RAPGEF5: variants seen among roughly 807,000 people sequenced by gnomAD.
RAPGEF5 encodes M-Ras-regulated GEF.
A neutral mutation model predicts 125.2 loss-of-function variants in RAPGEF5; 65 were observed. The ratio of observed to expected loss-of-function variants is 0.52; its 90% CI spans 0.43 to 0.64. RAPGEF5 has a LOEUF of 0.64. Among genes scored for constraint, RAPGEF5 ranks in the 30% least tolerant of loss-of-function variants. RAPGEF5 has a pLI of 0.00. For missense variants in RAPGEF5, 958 were observed against 1,048.1 expected, an observed-to-expected ratio of 0.91 and a Z score of 1.19; for synonymous variants, 391 against 385.9, an observed-to-expected ratio of 1.01 and a Z score of -0.16.
chr7:22,282,718 GC>G (rs1782702229), intron 6 of RAPGEF5, among the ~76,000 whole-genome samples: 1 of 152,114 alleles, frequency 6.6e-6, no homozygotes, highest in African/African-American at 2.4e-5. Flanking sequence ...ACAAATATTA[GC>G]CATTCTTAGC....
intron 21 of RAPGEF5, among the ~76,000 whole-genome samples, chr7:22,138,706 A>G (rs1457805555): frequency 6.6e-6 from 1 of 152,230 alleles, no homozygotes; most frequent in African/African-American, 2.4e-5. Context: ...TCATGTAGCC[A>G]TCTCCTGTCT....
chr7:22,356,527 C>T (rs1316738477), intron 1 of RAPGEF5: 11 of 160,776 alleles, frequency 6.8e-5, no homozygotes, highest in Non-Finnish European at 1.3e-4. Flanking sequence ...GCTTCCCCTC[C>T]GAGAAGAGGC....
chr7:22,246,228 C>G (rs1786471856), intron 7 of RAPGEF5, among the ~76,000 whole-genome samples: 1 of 152,044 alleles, frequency 6.6e-6, no homozygotes, highest in South Asian at 2.1e-4. Context: ...AAAAACTATT[C>G]TAAAATTCAT....
chr7:22,136,090 T>C lies in RAPGEF5; in HGVS notation c.2364A>G (p.Ala788=), dbSNP rs1185684715. 23 of 1,612,886 alleles carry C rather than the reference T, an allele frequency of 1.4e-5. No homozygotes were observed. Among genetic ancestry groups the C allele is most frequent in the Admixed American group, 8.3e-5 (5 of 59,886 alleles). Residue 788 remains alanine, a synonymous_variant, in exon 23 of 26, where the codon GCA becomes GCG. Transcript: ENST00000665637. ...TTTTTGGTGGCTTCATCTTTTTGAA[T>C]GCATCTCTGTAGGCTTTGTGATTTA... ...PSLNHKAYRD[A]FKKMKPPKIP... is the part of the protein sequence containing the mutation.
chr7:22,296,948 C>G (rs1330416050), intron 5 of RAPGEF5, among the ~76,000 whole-genome samples: 2 of 152,170 alleles, frequency 1.3e-5, no homozygotes, highest in Admixed American at 1.3e-4. Context: ...AGCATTTTGG[C>G]ATTTGGCAAC....
At chr7:22,171,692 G>T (rs1395094234) in intron 11 of RAPGEF5, among the ~76,000 whole-genome samples, 1 of 152,142 alleles carries the variant, frequency 6.6e-6, no homozygotes, top group African/African-American at 2.4e-5. Flanking sequence ...AGAGATGGGG[G>T]TTTCACCATG....
intron 5 of RAPGEF5, among the ~76,000 whole-genome samples, chr7:22,305,710 A>C (rs1170519831): frequency 6.6e-6 from 1 of 152,070 alleles, no homozygotes; most frequent in Non-Finnish European, 1.5e-5. Context: ...ACTAGTCCCC[A>C]ATTACCCTTC....
chr7:22,260,913 G>A (rs975906637), intron 7 of RAPGEF5, among the ~76,000 whole-genome samples: 7 of 152,168 alleles, frequency 4.6e-5, no homozygotes, highest in African/African-American at 1.4e-4. Flanking sequence ...GGAACACAGA[G>A]ACCAGAAATA....
At chr7:22,318,431 C>T (rs918821601) in intron 1 of RAPGEF5, among the ~76,000 whole-genome samples, 1 of 152,146 alleles carries the variant, frequency 6.6e-6, no homozygotes, top group Non-Finnish European at 1.5e-5. Flanking sequence ...GATTTTCCTG[C>T]TCTCTAGGTC....
Position 22,123,336 on chromosome 7 carries a change from A to AAC in RAPGEF5, c.2537-817_2537-816dup, listed in dbSNP as rs140529768. Among the ~76,000 whole-genome samples the AAC allele has an allele frequency of 1.2e-3, 180 of 151,934 alleles. 2 individuals are homozygous for AAC. Among genetic ancestry groups the AAC allele is most frequent in the African/African-American group, 3.7e-3 (155 of 41,484 alleles). On this transcript the variant is annotated intron_variant, in intron 25 of 25. Coordinates refer to ENST00000665637, the MANE Select transcript of RAPGEF5 (RefSeq NM_012294.5). ...GAGGCAAGCCCGTGCACCACAGTCA[A>AAC]ACACACACACACACAAGCAAACCAT...
At position 22,119,936 on chromosome 7, in the gene RAPGEF5, A is replaced by G. The variant is rs1298336575; in HGVS notation, c.*2470T>C. The stretch of plus-strand genomic sequence containing the variant: ...TGAACAGCTCAGATTCCTTAGAAAG[A>G]GCTTTCTGTTGAGTAATATCTGGTT... On this transcript the variant is annotated 3_prime_UTR_variant, in exon 26 of 26. Transcript: ENST00000665637. This position sits in a 1 kb window ranked among gnomAD's most constrained non-coding sequence, Gnocchi z 4.1. 2 of 152,184 alleles carry G rather than the reference A, an allele frequency of 1.3e-5. No individual in the cohort carries two copies. The highest frequency in any genetic ancestry group is 6.5e-5 in the Admixed American group (1 of 15,282). The allele number at this position is 152,184 out of a possible 1,614,324, so 9.4% of individuals were successfully genotyped here.
intron 7 of RAPGEF5, among the ~76,000 whole-genome samples, chr7:22,233,444 A>G (rs1034900698): frequency 3.3e-5 from 5 of 152,238 alleles, no homozygotes; most frequent in Admixed American, 1.3e-4. Flanking sequence ...TAAAACAACA[A>G]TGCTGTAGGG....
At chr7:22,260,469 AAG>A (rs1782123386) in intron 7 of RAPGEF5, among the ~76,000 whole-genome samples, 1 of 152,026 alleles carries the variant, frequency 6.6e-6, no homozygotes, top group Non-Finnish European at 1.5e-5. Flanking sequence ...ATCAAAAAAA[AAG>A]AGAAATTTCA....
At chr7:22,180,890 C>T (rs920721164) in intron 11 of RAPGEF5, among the ~76,000 whole-genome samples, 1 of 152,172 alleles carries the variant, frequency 6.6e-6, no homozygotes, top group African/African-American at 2.4e-5. Flanking sequence ...GAACAAACAC[C>T]TTCCCTGGGA....
Position 22,296,578 on chromosome 7 carries a change from G to A in RAPGEF5, c.681-5337C>T, listed in dbSNP as rs753386590. Among the ~76,000 whole-genome samples the A allele has an allele frequency of 2.3e-4, 34 of 145,940 alleles. No homozygotes were observed. In the Middle Eastern group the frequency reaches 0.01, roughly 44 times the overall value. On this transcript the variant is annotated intron_variant, in intron 5 of 25. Transcript: ENST00000665637. The stretch of plus-strand genomic sequence containing the variant: ...GGGCAGGTGAAAAGTAGCCCAGAAG[G>A]TGAAAGCCCAATAAAAAAAAGTGGT...
intron 17 of RAPGEF5, among the ~76,000 whole-genome samples, chr7:22,153,942 G>C (rs556742817): frequency 6.6e-6 from 1 of 152,208 alleles, no homozygotes; most frequent in East Asian, 1.9e-4. Context: ...GATACATAAG[G>C]CCCAACAGAA....
intron 5 of RAPGEF5, among the ~76,000 whole-genome samples, chr7:22,307,624 C>T (rs193281429): frequency 6.6e-6 from 1 of 152,246 alleles, no homozygotes; most frequent in East Asian, 1.9e-4. Context: ...CTCTCTGAAC[C>T]TACTTTCTTA....
chr7:22,149,602 T>A (rs1290015358), intron 18 of RAPGEF5, among the ~76,000 whole-genome samples: 2 of 152,248 alleles, frequency 1.3e-5, no homozygotes, highest in Non-Finnish European at 2.9e-5. Flanking sequence ...GTGTGGGTTC[T>A]ACATTTCTCC....
rs1187974759 is a variant in RAPGEF5 at position 22,315,441 on chromosome 7, T to C, written c.318A>G (p.Ala106=). Residue 106 remains alanine, a synonymous_variant, in exon 3 of 26, where the codon GCA becomes GCG. Transcript: ENST00000665637. ...CTTGAACGATAATAATATTCCTCAA[T>C]GCTCTTCCTGCACAAGAAGAATTCT... The part of the protein sequence containing the change: ...YGENSSCAGR[A]LRNIIIVQAA... 2 of 1,523,160 alleles carry C rather than the reference T, an allele frequency of 1.3e-6. No individual in the cohort carries two copies. The highest frequency in any genetic ancestry group is 2.5e-5 in the South Asian group (2 of 79,346). 94.4% of individuals were successfully genotyped at this position (1,523,160 alleles called of 1,614,324 possible). A position where few individuals can be genotyped will look rare whatever the true frequency, so the allele number is the denominator to read the frequency against.
Sources: gnomAD v4.1 joint callset for allele counts (sites outside exome capture counted in the v4.1 genomes callset) on GRCh38, gnomAD v4.1.1 for gene constraint, Gnocchi (gnomAD v3.1) non-coding constraint, MANE v1.5 for transcripts, NCBI Gene and HGNC (gene_info 2026-07-23, HGNC 2026-07-21) for gene names.